Variants in TEX36 observed in about 807,000 individuals in gnomAD.
TEX36 encodes testis expressed 36, also known as testis-expressed protein 36.
A neutral mutation model predicts 13.6 loss-of-function variants in TEX36; 12 were observed. That is an observed-to-expected ratio of 0.88 (90% CI 0.56 to 1.43). The LOEUF is 1.43. Among genes scored for constraint, TEX36 ranks in the 40% most tolerant of loss-of-function variants. The pLI, the probability that TEX36 is intolerant of heterozygous loss-of-function variation, is 0.00. For synonymous variants in TEX36, 93 were observed against 83.0 expected (o/e 1.12, Z -0.65); for missense variants, 224 against 228.3 (o/e 0.98, Z 0.12).
chr10:125,621,062 A>C (rs1279083317), downstream of TEX36, among the ~76,000 whole-genome samples: 1 of 152,162 alleles, frequency 6.6e-6, no homozygotes, highest in Non-Finnish European at 1.5e-5. Flanking sequence ...TTTTGGCTGT[A>C]GTGAATTGTG....
chr10:125,630,741 T>C (rs1846542766), intron 3 of TEX36, among the ~76,000 whole-genome samples: 1 of 152,162 alleles, frequency 6.6e-6, no homozygotes, highest in East Asian at 1.9e-4. Flanking sequence ...TCCATCCAAC[T>C]GCGAGCCAGT....
rs116272667 is a variant in TEX36, at chr10:125,606,865, G to A, written c.265-29991C>T. Among the ~76,000 whole-genome samples, 374 of 152,198 alleles carry A rather than the reference G, an allele frequency of 2.5e-3. 2 individuals are homozygous for A. The highest frequency in any genetic ancestry group is 8.5e-3 in the African/African-American group (351 of 41,518). The stretch of plus-strand genomic sequence containing the variant: ...CTCACAATAATTACACATTTGAGCC[G>A]TCTCAGATGTGCTATACGTATTCTC... On this transcript the variant is annotated intron_variant, in intron 3 of 3. Transcript: ENST00000532135.
intron 3 of TEX36, among the ~76,000 whole-genome samples, chr10:125,606,343 G>A (rs1846215407): frequency 6.6e-6 from 1 of 152,164 alleles, no homozygotes; most frequent in Admixed American, 6.5e-5. Context: ...TATACTTTGT[G>A]TATTAAAGCC....
At chr10:125,672,997 C>T (rs1295449073) in intron 1 of TEX36, among the ~76,000 whole-genome samples, 1 of 152,132 alleles carries the variant, frequency 6.6e-6, no homozygotes, top group Non-Finnish European at 1.5e-5. Context: ...TCCTTCATCT[C>T]TTTATTTTGA....
intron 3 of TEX36, among the ~76,000 whole-genome samples, chr10:125,625,047 G>A (rs535040678): frequency 1.3e-5 from 2 of 152,314 alleles, no homozygotes; most frequent in South Asian, 4.1e-4. Flanking sequence ...AATCTCTCCA[G>A]ATCTGGCAAG....
intron 3 of TEX36, among the ~76,000 whole-genome samples, chr10:125,596,877 G>A (rs58153098): frequency 0.024 from 3,655 of 152,280 alleles, 157 homozygotes; most frequent in African/African-American, 0.083. Context: ...TCCTGGCTGG[G>A]AATCTGGACT....
chr10:125,680,990 A>T (rs1229384109), intron 1 of TEX36, among the ~76,000 whole-genome samples: 2 of 152,060 alleles, frequency 1.3e-5, no homozygotes, highest in South Asian at 4.2e-4. Context: ...CTCCTCAGAC[A>T]CCCTTTTAGC....
At chr10:125,635,408 G>A (rs1296245338) in intron 3 of TEX36, among the ~76,000 whole-genome samples, 6 of 152,184 alleles carry the variant, frequency 3.9e-5, no homozygotes, top group Admixed American at 3.9e-4. Context: ...GAAGTAACTT[G>A]CCCAAGGTCA....
intron 1 of TEX36, among the ~76,000 whole-genome samples, chr10:125,671,650 T>TGAGTTAGGAAGAAGTACCTC (rs1474947914): frequency 2.0e-5 from 3 of 152,212 alleles, no homozygotes; most frequent in Non-Finnish European, 2.9e-5. Context: ...CCTCATAAAA[T>TGAGTTAGGAAGAAGTACCTC]GAGTTAGGAA....
chr10:125,681,743 T>G (rs950239181), intron 1 of TEX36, among the ~76,000 whole-genome samples: 5 of 152,258 alleles, frequency 3.3e-5, no homozygotes, highest in Non-Finnish European at 7.3e-5. Context: ...CACGTATATG[T>G]ACACATACAT....
chr10:125,589,014 C>G (rs1845991482), intron 3 of TEX36, among the ~76,000 whole-genome samples: 1 of 152,200 alleles, frequency 6.6e-6, no homozygotes, highest in South Asian at 2.1e-4. Context: ...TGAAACACCT[C>G]CCACTTGGCC....
chr10:125,652,204 G>A (rs892789167), downstream of TEX36, among the ~76,000 whole-genome samples: 13 of 152,124 alleles, frequency 8.5e-5, no homozygotes, highest in African/African-American at 3.1e-4. Flanking sequence ...TAAGCCAAAA[G>A]AAGAAAACTG....
chr10:125,663,139 A>G (rs949492583), intron 1 of TEX36, among the ~76,000 whole-genome samples: 1 of 152,202 alleles, frequency 6.6e-6, no homozygotes, highest in African/African-American at 2.4e-5. Flanking sequence ...GAGAGACTAA[A>G]CTTTCTCAAG....
intron 3 of TEX36, among the ~76,000 whole-genome samples, chr10:125,660,420 C>T (rs1796510964): frequency 6.6e-6 from 1 of 152,204 alleles, no homozygotes; most frequent in African/African-American, 2.4e-5. Context: ...CCACTGCTCC[C>T]AGCCAATAGA....
At chr10:125,668,813 A>G (rs1847169533) in intron 1 of TEX36, among the ~76,000 whole-genome samples, 1 of 152,082 alleles carries the variant, frequency 6.6e-6, no homozygotes, top group Non-Finnish European at 1.5e-5. Context: ...GTTGATAGTT[A>G]ATTTATGTAA....
At chr10:125,584,898 G>A (rs1445801930) in intron 3 of TEX36, among the ~76,000 whole-genome samples, 1 of 152,176 alleles carries the variant, frequency 6.6e-6, no homozygotes, top group African/African-American at 2.4e-5. Context: ...TTAACATTTT[G>A]AACATCTGCT....
chr10:125,661,010 G>A lies in TEX36; in HGVS notation c.264+11C>T, dbSNP rs1202602999. Reference sequence around the variant, plus strand: ...CCCTGTTTTATTAATAATTTGGAAAGAAATACTCACGGAGTCAAGGTAGCA... The same window carrying A: ...CCCTGTTTTATTAATAATTTGGAAAAAAATACTCACGGAGTCAAGGTAGCA... On this transcript the variant is annotated intron_variant, in intron 3 of 3. Coordinates refer to ENST00000368821, the MANE Select transcript of TEX36 (RefSeq NM_001128202.3). 1 of 1,547,786 alleles carries A rather than the reference G, an allele frequency of 6.5e-7. No homozygotes were observed.
At chr10:125,631,907 T>C (rs947702675) in intron 3 of TEX36, among the ~76,000 whole-genome samples, 6 of 152,038 alleles carry the variant, frequency 3.9e-5, no homozygotes, top group Non-Finnish European at 8.8e-5. Context: ...GAGCCTGGCA[T>C]GGTCTTTTAA....
chr10:125,631,538 C>T (rs1846554531), intron 3 of TEX36, among the ~76,000 whole-genome samples: 1 of 152,200 alleles, frequency 6.6e-6, no homozygotes, highest in Non-Finnish European at 1.5e-5. Flanking sequence ...GAGGATGCAA[C>T]TCATTCTCCT....
Sources: gnomAD v4.1 joint callset for allele counts (sites outside exome capture counted in the v4.1 genomes callset) on GRCh38, gnomAD v4.1.1 for gene constraint, MANE v1.5 for transcripts, NCBI Gene and HGNC (gene_info 2026-07-23, HGNC 2026-07-21) for gene names.